The following ACACA variants were observed in gnomAD, a reference collection of about 807,000 sequenced individuals.
ACACA encodes acetyl-CoA carboxylase alpha, also known as acetyl-CoA carboxylase 1.
Under a neutral mutation model 296.1 loss-of-function variants are expected in ACACA, and 103 were observed. That is an observed-to-expected ratio of 0.35 (90% CI 0.30 to 0.41). The LOEUF (loss-of-function observed/expected upper bound fraction) is 0.41, where lower values mean the gene tolerates loss of function less well. ACACA is among the 10% of genes least tolerant of loss of function. The pLI, the probability that ACACA is intolerant of heterozygous loss-of-function variation, is 1.00. For synonymous variants in ACACA, 953 were observed against 1,038.6 expected, an observed-to-expected ratio of 0.92 and a Z score of 1.58; for missense variants, 1,554 against 2,989.7, an observed-to-expected ratio of 0.52 and a Z score of 11.20.
At chr17:37,259,656 A>G (rs2081357896) in intron 11 of ACACA, 126 bp from the exon 12 acceptor site, 1 of 973,006 alleles carries the variant, frequency 1.0e-6, no homozygotes. Flanking sequence ...GCCACATGAG[A>G]GCACATTTCT....
Position 37,326,486 on chromosome 17 carries a change from G to A in ACACA, c.338+3687C>T, listed in dbSNP as rs141010813. Among the ~76,000 whole-genome samples, 102 of 151,586 alleles carry A rather than the reference G, an allele frequency of 6.7e-4. 1 individual carries two copies. Among genetic ancestry groups the A allele is most frequent in the African/African-American group, 2.3e-3 (94 of 41,264 alleles). ...GCAGAGGTTGCGGTAAGTGGAGATT[G>A]CACCATTACACTCCAGCCTGGGTAA... On this transcript the variant is annotated intron_variant, in intron 3 of 55. Transcript: ENST00000616317.
intron 1 of ACACA, among the ~76,000 whole-genome samples, chr17:37,349,247 G>A (rs1021093492): frequency 1.3e-5 from 2 of 150,540 alleles, no homozygotes; most frequent in African/African-American, 4.9e-5. Flanking sequence ...TTTTAGTAGA[G>A]ATGAGGTTTT....
chr17:37,361,467 T>G (rs889984439), intron 1 of ACACA, among the ~76,000 whole-genome samples: 3 of 152,132 alleles, frequency 2.0e-5, no homozygotes, highest in African/African-American at 7.2e-5. Flanking sequence ...ACTTCACTGA[T>G]TATTTTAAAT....
chr17:37,191,712 T>C (rs2145098339), intron 37 of ACACA, among the ~76,000 whole-genome samples: 1 of 152,316 alleles, frequency 6.6e-6, no homozygotes, highest in Admixed American at 6.5e-5. Flanking sequence ...TGGGATCACC[T>C]CTTTCCTAAC....
In ACACA at chr17:37,223,633, C is replaced by T. The variant is rs147260207; in HGVS notation, c.3475-32G>A. 5.5e-4 allele frequency: 811 copies of T among 1,464,884 alleles called. 3 individuals are homozygous for T. The African/African-American group carries it at 0.01, about 19-fold the overall frequency. The allele number at this position is 1,464,884 out of a possible 1,614,324, so 90.7% of individuals were successfully genotyped here. ...GATACAAAGACAGGCTTAAGCCTTA[C>T]ATCAAAAGGAGAACAATTTCAATGG... On this transcript the variant is annotated intron_variant, in intron 27 of 55. Transcript: ENST00000616317.
intron 32 of ACACA, 90 bp downstream of exon 32, chr17:37,206,692 TC>T: frequency 9.3e-7 from 1 of 1,077,552 alleles, no homozygotes; most frequent in Non-Finnish European, 1.4e-6. Flanking sequence ...ATGAATTCTT[TC>T]CTATAATAGT....
intron 9 of ACACA, 141 bp from the exon 10 acceptor site, chr17:37,271,002 A>G (rs2082042932): frequency 2.9e-6 from 2 of 684,096 alleles, no homozygotes; most frequent in African/African-American, 1.8e-5. Context: ...AAGATACACT[A>G]TGAAAAAATA....
chr17:37,336,083 T>C (rs987055158), intron 2 of ACACA, among the ~76,000 whole-genome samples: 1 of 152,144 alleles, frequency 6.6e-6, no homozygotes, highest in Non-Finnish European at 1.5e-5. Flanking sequence ...TTTAACCTCC[T>C]TGTTAAGTTT....
At chr17:37,274,746 C>T (rs2082205076) in intron 8 of ACACA, 1 of 836,424 alleles carries the variant, frequency 1.2e-6, no homozygotes, top group Non-Finnish European at 1.4e-6. Flanking sequence ...ATTCCATGCT[C>T]TCTGAACGTC....
chr17:37,325,161 A>G (rs1158087102), intron 3 of ACACA, among the ~76,000 whole-genome samples: 1 of 151,002 alleles, frequency 6.6e-6, no homozygotes, highest in African/African-American at 2.4e-5. Flanking sequence ...AGATGGCGCC[A>G]CTGCACTCTA....
chr17:37,128,865 C>A (rs2074954972), intron 47 of ACACA, among the ~76,000 whole-genome samples: 1 of 152,136 alleles, frequency 6.6e-6, no homozygotes, highest in Admixed American at 6.5e-5. Context: ...ATACCATTAC[C>A]AATATCATAA....
intron 42 of ACACA, among the ~76,000 whole-genome samples, chr17:37,156,176 G>A (rs1420879026): frequency 6.8e-6 from 1 of 146,198 alleles, no homozygotes; most frequent in East Asian, 2.0e-4. Flanking sequence ...CCATTCTCCT[G>A]CCTCAGCCTC....
chr17:37,093,923 T>C (rs1484855149), intron 54 of ACACA, among the ~76,000 whole-genome samples: 1 of 152,166 alleles, frequency 6.6e-6, no homozygotes, highest in African/African-American at 2.4e-5. Context: ...ATGACAAAGC[T>C]GGGATCCCGA....
chr17:37,158,289 T>C (rs144901895), intron 42 of ACACA, among the ~76,000 whole-genome samples: 1 of 152,216 alleles, frequency 6.6e-6, no homozygotes, highest in East Asian at 1.9e-4. Context: ...GGGTAAGATA[T>C]AAATTTGGAA....
chr17:37,200,082 T>G lies in ACACA; in HGVS notation c.4158+57A>C. On this transcript the variant is annotated intron_variant, in intron 35 of 55. Coordinates refer to ENST00000616317, the MANE Select transcript of ACACA (RefSeq NM_198834.3). ...TCTAACATATATTCTGGTTAAATAA[T>G]CAGTGGCAGACAAATAAAACAGTAA... The G allele has an allele frequency of 2.4e-6, 3 of 1,272,600 alleles. No individual in the cohort carries two copies. In the South Asian group the frequency reaches 3.6e-5, roughly 15 times the overall value. 78.8% of individuals were successfully genotyped at this position (1,272,600 alleles called of 1,614,324 possible). A position where few individuals can be genotyped will look rare whatever the true frequency, so the allele number is the denominator to read the frequency against.
chr17:37,387,674 G>C (rs1410907423), intron 1 of ACACA: 1 of 151,734 alleles, frequency 6.6e-6, no homozygotes, highest in East Asian at 2.0e-4. Flanking sequence ...TCAAACTCCT[G>C]ACCTCAAGTG....
At chr17:37,222,918 T>A (rs1567839501) in intron 28 of ACACA, among the ~76,000 whole-genome samples, 1 of 152,182 alleles carries the variant, frequency 6.6e-6, no homozygotes, top group African/African-American at 2.4e-5. Flanking sequence ...TTAGCCTGAG[T>A]TCAAATGCAA....
chr17:37,097,052 CATCA>C lies in ACACA; in HGVS notation c.6831_6834del (p.Asp2278AlafsTer7). 1 of 1,614,130 alleles carries C rather than the reference CATCA, an allele frequency of 6.2e-7. No homozygotes were observed. ...CGCCTTAACATGGCTTGAATCTGGC[CATCA>C]GTCAGCTCAGGGTTGGCATTGTGGA... On this transcript the variant is annotated frameshift_variant, in exon 54 of 56. Transcript: ENST00000616317. LOFTEE classifies it high-confidence loss of function. The surrounding 1 kb of genome is among the most constrained non-coding windows in gnomAD (Gnocchi z 4.8).
chr17:37,270,875 GA>G lies in ACACA; in HGVS notation c.1009-15del, dbSNP rs570382508. On this transcript the variant is annotated splice_polypyrimidine_tract_variant and intron_variant, in intron 9 of 55. Coordinates refer to ENST00000616317, the MANE Select transcript of ACACA (RefSeq NM_198834.3). The stretch of plus-strand genomic sequence containing the variant: ...TTCCTCAGCTGCCTTCAAAAAGAAA[GA>G]AAAAAAAAATAGAAGAAACAGTGTT... 478 of 1,470,402 alleles carry G rather than the reference GA, an allele frequency of 3.3e-4. 1 individual carries two copies. Among genetic ancestry groups the G allele is most frequent in the Middle Eastern group, 3.6e-4 (2 of 5,520 alleles). 91.1% of individuals were successfully genotyped at this position (1,470,402 alleles called of 1,614,324 possible). A position where few individuals can be genotyped will look rare whatever the true frequency, so the allele number is the denominator to read the frequency against.
Sources: allele counts gnomAD v4.1 joint callset (sites outside exome capture counted in the v4.1 genomes callset), GRCh38; gene constraint gnomAD v4.1.1; non-coding constraint Gnocchi (gnomAD v3.1); transcripts MANE v1.5; gene names NCBI Gene and HGNC (gene_info 2026-07-23, HGNC 2026-07-21).